ABI1: variants seen among roughly 807,000 people sequenced by gnomAD.
ABI1 encodes abl interactor 1.
In ABI1, 14 loss-of-function variants were observed where a neutral mutation model predicts 54.6. The ratio of observed to expected loss-of-function variants is 0.26; its 90% CI spans 0.17 to 0.40. The LOEUF (loss-of-function observed/expected upper bound fraction) is 0.40. Ranked by LOEUF, ABI1 falls within the 10% of genes least tolerant of loss-of-function variation. The pLI, the probability that ABI1 is intolerant of heterozygous loss-of-function variation, is 1.00. For synonymous variants in ABI1, 194 were observed against 209.3 expected (o/e 0.93, Z 0.63); for missense variants, 443 against 598.3 (o/e 0.74, Z 2.71).
chr10:26,748,714 C>G lies in ABI1; in HGVS notation c.1302G>C (p.Lys434Asn), dbSNP rs1837214415. The G allele has an allele frequency of 1.2e-6, 2 of 1,612,758 alleles. No homozygotes were observed. The highest frequency in any genetic ancestry group is 1.7e-6 in the Non-Finnish European group (2 of 1,179,476). The change falls in exon 11 of 11, where the codon AAG becomes AAC. Residue 434 changes from lysine (K) to asparagine (N), a missense_variant. Lys to Asn is a moderately conservative substitution (Grantham distance 94). Transcript: ENST00000376140. ...VVAIYDYTKD[K>N]DDELSFMEGA... ...CCTCCATAAATGACAGCTCATCATCCTTGTCTTTTGTATAATCATATATTG... is the reference window on the plus strand; with the variant it reads ...CCTCCATAAATGACAGCTCATCATCGTTGTCTTTTGTATAATCATATATTG...
rs1840291612 is a variant in ABI1 at position 26,768,775 on chromosome 10, A to G, written c.719+77T>C. The G allele has an allele frequency of 3.9e-6, 5 of 1,290,946 alleles. No individual in the cohort carries two copies. The Admixed American group carries it at 7.1e-5, about 18-fold the overall frequency. The allele number at this position is 1,290,946 out of a possible 1,614,324, so 80.0% of individuals were successfully genotyped here. On this transcript the variant is annotated intron_variant, in intron 6 of 10. Transcript: ENST00000376140. ...TTAGAGTGGCACCTCACCTTTACTCAGCACCTCCATAGGAGTTTGTCGCCA... is the reference window on the plus strand; with the variant it reads ...TTAGAGTGGCACCTCACCTTTACTCGGCACCTCCATAGGAGTTTGTCGCCA...
At chr10:26,791,573 A>G (rs1299395465) in intron 2 of ABI1, among the ~76,000 whole-genome samples, 1 of 152,232 alleles carries the variant, frequency 6.6e-6, no homozygotes, top group Non-Finnish European at 1.5e-5. Context: ...GACATGGTCT[A>G]AAAGAAAAAC....
chr10:26,842,335 T>A (rs1435035871), intron 1 of ABI1, among the ~76,000 whole-genome samples: 1 of 152,246 alleles, frequency 6.6e-6, no homozygotes, highest in Non-Finnish European at 1.5e-5. Flanking sequence ...TAATCCCTTA[T>A]CAGATAAATG....
intron 1 of ABI1, among the ~76,000 whole-genome samples, chr10:26,835,989 A>G (rs952513773): frequency 1.8e-4 from 27 of 151,948 alleles, no homozygotes; most frequent in Middle Eastern, 3.4e-3. Context: ...CTGAACTCAA[A>G]GAATCCTCCT....
At chr10:26,804,381 T>TCAAAAAAAAAAAGAAAAAA in intron 2 of ABI1, among the ~76,000 whole-genome samples, 1 of 138,612 alleles carries the variant, frequency 7.2e-6, no homozygotes, top group African/African-American at 2.6e-5. Context: ...AGGCTCTATT[T>TCAAAAAAAAAAAGAAAAAA]AAAAAAAAAA....
chr10:26,821,778 A>G (rs1256803807), intron 2 of ABI1, among the ~76,000 whole-genome samples: 2 of 151,620 alleles, frequency 1.3e-5, no homozygotes, highest in African/African-American at 4.9e-5. Context: ...CAGCCTGGGC[A>G]ACAGAGCAAG....
At chr10:26,812,901 G>T (rs2047329221) in intron 2 of ABI1, among the ~76,000 whole-genome samples, 1 of 152,052 alleles carries the variant, frequency 6.6e-6, no homozygotes, top group Admixed American at 6.6e-5. Flanking sequence ...GTTGGCGGGG[G>T]GACACACAAC....
chr10:26,825,188 G>A (rs1328628197), intron 1 of ABI1, among the ~76,000 whole-genome samples: 1 of 152,170 alleles, frequency 6.6e-6, no homozygotes, highest in Non-Finnish European at 1.5e-5. Flanking sequence ...TATGGCATGC[G>A]ATATTTGATA....
At chr10:26,764,023 A>G in intron 7 of ABI1, 1 of 1,287,126 alleles carries the variant, frequency 7.8e-7, no homozygotes, top group Non-Finnish European at 1.1e-6. Flanking sequence ...ATTTTGAAAC[A>G]GCAAGAAAGT....
chr10:26,768,812 C>A, intron 6 of ABI1, 40 bp downstream of exon 6: 1 of 1,578,282 alleles, frequency 6.3e-7, no homozygotes, highest in Middle Eastern at 1.7e-4. Flanking sequence ...TCAGTTACAC[C>A]CACTTTAGAG....
intron 1 of ABI1, among the ~76,000 whole-genome samples, chr10:26,830,179 G>A (rs560511918): frequency 1.3e-5 from 2 of 152,342 alleles, no homozygotes; most frequent in South Asian, 4.1e-4. Flanking sequence ...TTTATCAGCT[G>A]ATGGACATTT....
At chr10:26,823,104 T>TA in intron 2 of ABI1, 34 bp downstream of exon 2, 1 of 1,540,110 alleles carries the variant, frequency 6.5e-7, no homozygotes, top group African/African-American at 1.4e-5. Flanking sequence ...TAGTTTTTTT[T>TA]AAATTGAATT....
rs552247126 is a variant in ABI1 at position 26,855,019 on chromosome 10, A to C, written c.117+5728T>G. 1.3e-3 allele frequency among the ~76,000 whole-genome samples: 180 copies of C among 139,116 alleles called. 1 individual carries two copies. In the South Asian group the frequency reaches 0.02, roughly 15 times the overall value. 91.3% of individuals were successfully genotyped at this position (139,116 alleles called of 152,430 possible). ...AAAACTTCTTGAGCATCAACATGAC[A>C]CAAAAATAAATGCTCATTAGACTAT... On this transcript the variant is annotated intron_variant, in intron 1 of 10. Coordinates refer to ENST00000376140, the MANE Select transcript of ABI1 (RefSeq NM_001012750.3).
intron 1 of ABI1, among the ~76,000 whole-genome samples, chr10:26,829,563 T>C (rs2048531113): frequency 6.6e-6 from 1 of 152,154 alleles, no homozygotes; most frequent in African/African-American, 2.4e-5. Context: ...AAAAATATTG[T>C]ACATCATAAA....
In ABI1 at chr10:26,770,348, A is replaced by G. The variant is rs1398756593; in HGVS notation, c.478-3T>C. 1 of 1,611,728 alleles carries G rather than the reference A, an allele frequency of 6.2e-7. No homozygotes were observed. Among genetic ancestry groups the G allele is most frequent in the Non-Finnish European group, 8.5e-7 (1 of 1,177,960 alleles). Reference sequence around the variant, plus strand: ...CTTGCAGGCTGGTTATTTCCATGCTAAAATGTAGAAAGAAATGCTTTTATT... The same window carrying G: ...CTTGCAGGCTGGTTATTTCCATGCTGAAATGTAGAAAGAAATGCTTTTATT... On this transcript the variant is annotated splice_region_variant and splice_polypyrimidine_tract_variant and intron_variant, in intron 4 of 10. Transcript: ENST00000376140.
Position 26,770,231 on chromosome 10 carries a change from A to T in ABI1, c.578+14T>A, listed in dbSNP as rs377614794. The T allele has an allele frequency of 2.4e-5, 38 of 1,604,346 alleles. No individual in the cohort carries two copies. The highest frequency in any genetic ancestry group is 3.1e-5 in the Non-Finnish European group (36 of 1,171,286). ...GCATATGAATTCTTTTGCAAAATGT[A>T]GTTGAATTCTTACCCCAGTGTTCCC... On this transcript the variant is annotated intron_variant, in intron 5 of 10. Coordinates refer to ENST00000376140, the MANE Select transcript of ABI1 (RefSeq NM_001012750.3).
At chr10:26,817,587 T>C (rs1050548654) in intron 2 of ABI1, among the ~76,000 whole-genome samples, 3 of 152,048 alleles carry the variant, frequency 2.0e-5, no homozygotes, top group African/African-American at 4.8e-5. Flanking sequence ...AACAGGTACA[T>C]TGTTTCAGTT....
Position 26,832,601 on chromosome 10 carries a change from A to AAAAT in ABI1, c.118-9300_118-9297dup, listed in dbSNP as rs746920559. On this transcript the variant is annotated intron_variant, in intron 1 of 10. Transcript: ENST00000376140. The stretch of plus-strand genomic sequence containing the variant: ...TCCATCTCAAAAAATAAAATAAAAT[A>AAAAT]AAATAAATAAATAAATAATGTATGT... 3.8e-3 allele frequency among the ~76,000 whole-genome samples: 577 copies of AAAAT among 152,152 alleles called. 5 individuals carry two copies. The highest frequency in any genetic ancestry group is 0.01 in the Middle Eastern group (3 of 294).
At chr10:26,822,716 G>A (rs905606586) in intron 2 of ABI1, among the ~76,000 whole-genome samples, 1 of 152,146 alleles carries the variant, frequency 6.6e-6, no homozygotes, top group African/African-American at 2.4e-5. Flanking sequence ...GGATTACGTA[G>A]GAGAATGAAG....
Sources: allele counts gnomAD v4.1 joint callset (sites outside exome capture counted in the v4.1 genomes callset), GRCh38; gene constraint gnomAD v4.1.1; transcripts MANE v1.5; gene names NCBI Gene and HGNC (gene_info 2026-07-23, HGNC 2026-07-21).